The following NAALADL2 variants were observed in gnomAD, a reference collection of about 807,000 sequenced individuals.
The protein encoded by NAALADL2 is inactive N-acetylated-alpha-linked acidic dipeptidase-like protein 2.
In NAALADL2, 76 loss-of-function variants were observed where a neutral mutation model predicts 87.2. That is an observed-to-expected ratio of 0.87 (90% CI 0.72 to 1.05). The LOEUF (loss-of-function observed/expected upper bound fraction) is 1.05. Among genes scored for constraint, NAALADL2 ranks in the 50% least tolerant of loss-of-function variants. The probability of loss-of-function intolerance (pLI) is 0.00; values close to 1 mark genes in which losing one functional copy is unlikely to be tolerated. For missense variants in NAALADL2, 1,089 were observed against 945.8 expected (o/e 1.15, Z -1.99); for synonymous variants, 354 against 331.0 (o/e 1.07, Z -0.75).
intron 2 of NAALADL2, among the ~76,000 whole-genome samples, chr3:174,570,543 C>T (rs1045755220): frequency 5.9e-5 from 9 of 152,058 alleles, no homozygotes; most frequent in Non-Finnish European, 1.2e-4. Context: ...GACATGTAAG[C>T]CAATCTAAGG....
At chr3:174,454,770 A>G (rs1454470482) in intron 1 of NAALADL2, among the ~76,000 whole-genome samples, 1 of 152,158 alleles carries the variant, frequency 6.6e-6, no homozygotes, top group Non-Finnish European at 1.5e-5. Flanking sequence ...AAACACTCAC[A>G]TTAAAAAGTT....
At chr3:174,769,924 G>A (rs1373144131) in intron 3 of NAALADL2, among the ~76,000 whole-genome samples, 1 of 151,782 alleles carries the variant, frequency 6.6e-6, no homozygotes, top group African/African-American at 2.4e-5. Flanking sequence ...AGGTCATAGA[G>A]GCCTCCATAT....
At chr3:175,795,370 T>A (rs1450875643) in intron 13 of NAALADL2, among the ~76,000 whole-genome samples, 1 of 152,074 alleles carries the variant, frequency 6.6e-6, no homozygotes, top group African/African-American at 2.4e-5. Flanking sequence ...TTAAGAATTG[T>A]CAAATCCATA....
intron 2 of NAALADL2, among the ~76,000 whole-genome samples, chr3:174,556,252 C>T (rs551411520): frequency 2.9e-4 from 44 of 152,172 alleles, no homozygotes; most frequent in African/African-American, 1.1e-3. Context: ...AATGATTTGC[C>T]ACCTAAATGA....
chr3:174,458,098 TACCTATATAACAA>T (rs1344931286), intron 1 of NAALADL2, among the ~76,000 whole-genome samples: 1 of 152,194 alleles, frequency 6.6e-6, no homozygotes, highest in African/African-American at 2.4e-5. Context: ...TGATACAATT[TACCTATATAACAA>T]ACCTGCACAT....
chr3:174,846,243 C>T lies in NAALADL2; in HGVS notation c.-9+108497C>T, dbSNP rs192379202. 1.2e-4 allele frequency among the ~76,000 whole-genome samples: 19 copies of T among 152,320 alleles called. No homozygotes were observed. The East Asian group carries it at 3.7e-3, about 29-fold the overall frequency. On this transcript the variant is annotated intron_variant, in intron 3 of 3. Coordinates refer to the NAALADL2 transcript ENST00000434257. Reference sequence around the variant, plus strand: ...CCAAGGCAGAATGCTTTGCTCTCCTCTCTATGTTGGTATACTAGGTTTCTG... The same window carrying T: ...CCAAGGCAGAATGCTTTGCTCTCCTTTCTATGTTGGTATACTAGGTTTCTG...
intron 3 of NAALADL2, among the ~76,000 whole-genome samples, chr3:174,792,251 A>T (rs1432184485): frequency 1.4e-5 from 2 of 143,788 alleles, no homozygotes; most frequent in African/African-American, 5.0e-5. Flanking sequence ...GAAGACGAAG[A>T]TGAGGAAGGA....
At chr3:175,774,419 TAAAC>T (rs1232429990) in intron 13 of NAALADL2, among the ~76,000 whole-genome samples, 3 of 152,032 alleles carry the variant, frequency 2.0e-5, no homozygotes, top group Non-Finnish European at 2.9e-5. Flanking sequence ...AAGAAAAAGT[TAAAC>T]AAAAATTTTT....
At chr3:175,729,167 T>C (rs1743331682) in intron 11 of NAALADL2, among the ~76,000 whole-genome samples, 1 of 152,206 alleles carries the variant, frequency 6.6e-6, no homozygotes, top group Admixed American at 6.5e-5. Flanking sequence ...CTTTTTCCAA[T>C]TGTGTAAAAG....
At chr3:174,565,412 T>G (rs1714140801) in intron 2 of NAALADL2, among the ~76,000 whole-genome samples, 2 of 152,074 alleles carry the variant, frequency 1.3e-5, no homozygotes, top group Admixed American at 1.3e-4. Context: ...ATCATGTAGT[T>G]GAAATCATCG....
intron 3 of NAALADL2, among the ~76,000 whole-genome samples, chr3:174,816,240 TTC>T (rs1230674396): frequency 6.6e-6 from 1 of 151,800 alleles, no homozygotes; most frequent in Non-Finnish European, 1.5e-5. Flanking sequence ...CTCCTCTGCC[TTC>T]TCTCTCTTTT....
intron 1 of NAALADL2, among the ~76,000 whole-genome samples, chr3:174,861,007 A>T (rs1215570211): frequency 4.6e-5 from 7 of 152,132 alleles, no homozygotes; most frequent in African/African-American, 1.7e-4. Context: ...AATAATTTGA[A>T]TGGTGTGCTT....
At chr3:175,012,291 A>T (rs1182810818) in intron 1 of NAALADL2, among the ~76,000 whole-genome samples, 1 of 152,008 alleles carries the variant, frequency 6.6e-6, no homozygotes, top group South Asian at 2.1e-4. Flanking sequence ...CAGCCTCCTG[A>T]GTAGGTGGGA....
intron 5 of NAALADL2, among the ~76,000 whole-genome samples, chr3:175,386,584 T>G (rs1291161475): frequency 6.6e-6 from 1 of 151,996 alleles, no homozygotes; most frequent in Admixed American, 6.6e-5. Flanking sequence ...TCCACCCTTA[T>G]CCCCAGTATT....
chr3:175,690,814 G>A (rs1166551107), intron 11 of NAALADL2, among the ~76,000 whole-genome samples: 1 of 151,910 alleles, frequency 6.6e-6, no homozygotes, highest in African/African-American at 2.4e-5. Context: ...TATTAAACAA[G>A]CTGTCTTTAT....
At chr3:175,684,034 A>G (rs1001100568) in intron 11 of NAALADL2, among the ~76,000 whole-genome samples, 1 of 152,094 alleles carries the variant, frequency 6.6e-6, no homozygotes, top group Admixed American at 6.6e-5. Context: ...GCATCATCTT[A>G]TAGTAGAAGC....
chr3:175,757,447 T>C (rs1203254114), intron 13 of NAALADL2, among the ~76,000 whole-genome samples: 2 of 152,092 alleles, frequency 1.3e-5, no homozygotes. Context: ...AACATCTTAA[T>C]TTCTACATTT....
intron 2 of NAALADL2, among the ~76,000 whole-genome samples, chr3:174,607,237 A>G (rs1330912099): frequency 6.6e-5 from 10 of 152,222 alleles, no homozygotes; most frequent in Admixed American, 2.0e-4. Context: ...GACCATCGAG[A>G]CTAGGAAGAA....
At chr3:175,592,690 G>A (rs890686380) in intron 10 of NAALADL2, among the ~76,000 whole-genome samples, 2 of 144,814 alleles carry the variant, frequency 1.4e-5, no homozygotes, top group Admixed American at 7.3e-5. Flanking sequence ...ATTGAACAAT[G>A]AGAACACATG....
Sources: allele counts gnomAD v4.1 joint callset (sites outside exome capture counted in the v4.1 genomes callset), GRCh38; gene constraint gnomAD v4.1.1; transcripts MANE v1.5; gene names NCBI Gene and HGNC (gene_info 2026-07-23, HGNC 2026-07-21).